The following CRB1 variants were observed in gnomAD, a reference collection of about 807,000 sequenced individuals.
The protein encoded by CRB1 is crumbs cell polarity complex component 1, also known as protein crumbs homolog 1.
CRB1 carries 83 observed loss-of-function variants against 120.0 expected under a neutral mutation model. The observed-to-expected ratio is 0.69, with a 90% CI of 0.58 to 0.83. CRB1 has a LOEUF of 0.83. CRB1 is among the 40% of genes least tolerant of loss of function. The pLI, the probability that CRB1 is intolerant of heterozygous loss-of-function variation, is 0.00. For missense variants in CRB1, 1,699 were observed against 1,687.6 expected, an observed-to-expected ratio of 1.01 and a Z score of -0.12; for synonymous variants, 625 against 612.5, an observed-to-expected ratio of 1.02 and a Z score of -0.30.
chr1:197,234,184 G>T, the CRB1 span, among the ~76,000 whole-genome samples: 1 of 152,170 alleles, frequency 6.6e-6, no homozygotes, highest in Non-Finnish European at 1.5e-5. Flanking sequence ...ATCTTCTCTG[G>T]TTCCTGGTTC....
intron 5 of CRB1, among the ~76,000 whole-genome samples, chr1:197,392,064 CG>C (rs1662534412): frequency 6.6e-6 from 1 of 151,876 alleles, no homozygotes; most frequent in African/African-American, 2.4e-5. Context: ...TACAGCATCT[CG>C]TGGTGTCTAA....
At chr1:197,453,865 ATAT>A (rs949241191) in intron 11 of CRB1, among the ~76,000 whole-genome samples, 1 of 138,322 alleles carries the variant, frequency 7.2e-6, no homozygotes, top group Non-Finnish European at 1.6e-5. Context: ...ATATATATTA[ATAT>A]TATTAATAAT....
At chr1:197,456,220 GA>G (rs1381770640) in intron 11 of CRB1, among the ~76,000 whole-genome samples, 2 of 151,944 alleles carry the variant, frequency 1.3e-5, no homozygotes, top group Non-Finnish European at 2.9e-5. Context: ...TTGATACCTA[GA>G]ACTCAGGAAA....
rs1227467460 is a variant in CRB1, at chr1:197,434,814, A to T, written c.2951A>T (p.Asp984Val). Residue 984 changes from aspartate to valine, a missense_variant, in exon 9 of 12, where the codon GAT becomes GTT. Transcript: ENST00000367400. The stretch of plus-strand genomic sequence containing the variant: ...ATCACATTTGGTTTCAGAACAAGGG[A>T]TGCAAATGTAATAATATTGCATGCA... The part of the protein sequence containing the change: ...TNITFGFRTR[D>V]ANVIILHAEK... 4 of 1,613,708 alleles carry T rather than the reference A, an allele frequency of 2.5e-6. No homozygotes were observed. The highest frequency in any genetic ancestry group is 3.4e-6 in the Non-Finnish European group (4 of 1,179,774).
chr1:197,211,967 GA>G, the CRB1 span, among the ~76,000 whole-genome samples: 4 of 151,692 alleles, frequency 2.6e-5, no homozygotes, highest in Middle Eastern at 3.2e-3. Context: ...AATATAAAAT[GA>G]AAAAAATATT....
At chr1:197,343,007 C>T (rs1214081007) in intron 2 of CRB1, among the ~76,000 whole-genome samples, 1 of 152,156 alleles carries the variant, frequency 6.6e-6, no homozygotes, top group African/African-American at 2.4e-5. Context: ...GAAACAAGTG[C>T]TATTGCAAAA....
At chr1:197,309,709 G>T (rs897375744) in intron 1 of CRB1, among the ~76,000 whole-genome samples, 1 of 151,718 alleles carries the variant, frequency 6.6e-6, no homozygotes, top group East Asian at 1.9e-4. Flanking sequence ...AGCCAAGATC[G>T]TGTCACTGCA....
chr1:197,298,950 T>C (rs1436545412), intron 1 of CRB1, among the ~76,000 whole-genome samples: 2 of 152,078 alleles, frequency 1.3e-5, no homozygotes, highest in Non-Finnish European at 2.9e-5. Context: ...TACCTCAATG[T>C]AGGAATACAT....
At chr1:197,463,626 G>T (rs1359670038) in intron 11 of CRB1, among the ~76,000 whole-genome samples, 2 of 152,134 alleles carry the variant, frequency 1.3e-5, no homozygotes, top group Non-Finnish European at 2.9e-5. Flanking sequence ...CTGCTTACTA[G>T]CTGTGTGACT....
At chr1:197,438,266 C>T (rs1412768507) in intron 9 of CRB1, among the ~76,000 whole-genome samples, 2 of 152,056 alleles carry the variant, frequency 1.3e-5, no homozygotes, top group Non-Finnish European at 2.9e-5. Flanking sequence ...TTTTCCAACC[C>T]AAAATTTATT....
chr1:197,369,062 G>T (rs970507763), intron 5 of CRB1, among the ~76,000 whole-genome samples: 14 of 152,104 alleles, frequency 9.2e-5, no homozygotes, highest in African/African-American at 3.4e-4. Flanking sequence ...ATTGGGAGTT[G>T]TCCTCACAGT....
the CRB1 span, among the ~76,000 whole-genome samples, chr1:197,255,977 A>ATATATATATATATATC: frequency 1.6e-5 from 2 of 128,174 alleles, no homozygotes; most frequent in Non-Finnish European, 3.2e-5. Context: ...ATATATATAT[A>ATATATATATATATATC]TATATATATA....
intron 11 of CRB1, among the ~76,000 whole-genome samples, chr1:197,458,643 C>A (rs1666390470): frequency 6.6e-6 from 1 of 152,108 alleles, no homozygotes; most frequent in Admixed American, 6.6e-5. Context: ...ATATTCTCTA[C>A]AGCTGAAAGA....
In CRB1 at chr1:197,421,315, T is replaced by A. The variant is rs1245369031; in HGVS notation, c.1487T>A (p.Val496Asp). Reference protein sequence around the residue: ...LSFEGDGFLWVKSGSVTTKGS... With the variant: ...LSFEGDGFLWDKSGSVTTKGS... ...TTTGAGGGCGATGGCTTCCTGTGGG[T>A]CAAAAGTGGCTCAGTGACAACCAAG... Residue 496 changes from valine to aspartate, a missense_variant, in exon 6 of 12, where the codon GTC becomes GAC. Physicochemically the swap from Val to Asp is radical, Grantham distance 152. Coordinates refer to ENST00000367400, the MANE Select transcript of CRB1 (RefSeq NM_201253.3). The A allele has an allele frequency of 6.2e-7, 1 of 1,614,154 alleles. No individual in the cohort carries two copies.
intron 2 of CRB1, among the ~76,000 whole-genome samples, chr1:197,334,233 G>T (rs1659020760): frequency 1.3e-5 from 2 of 152,142 alleles, no homozygotes; most frequent in African/African-American, 2.4e-5. Context: ...TGACATCCTT[G>T]ACTGTTATTT....
chr1:197,337,792 C>T (rs1051376479), intron 2 of CRB1, among the ~76,000 whole-genome samples: 3 of 152,134 alleles, frequency 2.0e-5, no homozygotes, highest in Admixed American at 1.3e-4. Context: ...ATCTCTCTGC[C>T]ACACTTATAA....
rs559915136 is a variant in CRB1 at position 197,413,700 on chromosome 1, G to C, written c.1172-7300G>C. ...GACTTAAAAAGGGGAGGCACCATGT[G>C]TTAAGCAGGGATAGGATCTAAGAAT... On this transcript the variant is annotated intron_variant, in intron 5 of 11. Coordinates refer to ENST00000367400, the MANE Select transcript of CRB1 (RefSeq NM_201253.3). 3.3e-4 allele frequency: 73 copies of C among 221,090 alleles called. No individual in the cohort carries two copies. In the Middle Eastern group the frequency reaches 3.9e-3, roughly 12 times the overall value. 13.7% of individuals were successfully genotyped at this position (221,090 alleles called of 1,614,324 possible). A position where few individuals can be genotyped will look rare whatever the true frequency, so the allele number is the denominator to read the frequency against.
intron 8 of CRB1, among the ~76,000 whole-genome samples, chr1:197,430,244 T>C (rs1664809286): frequency 6.6e-6 from 1 of 152,206 alleles, no homozygotes; most frequent in Non-Finnish European, 1.5e-5. Flanking sequence ...CCACTAACTA[T>C]ACTGTTATTT....
intron 1 of CRB1, 65 bp from the exon 2 acceptor site, chr1:197,328,355 CAA>C (rs754837698): frequency 4.5e-6 from 6 of 1,344,634 alleles, no homozygotes; most frequent in Non-Finnish European, 5.2e-6. Context: ...ACAAAGGTCA[CAA>C]AGAAAGATTT....
Sources: gnomAD v4.1 joint callset for allele counts (sites outside exome capture counted in the v4.1 genomes callset) on GRCh38, gnomAD v4.1.1 for gene constraint, MANE v1.5 for transcripts, NCBI Gene and HGNC (gene_info 2026-07-23, HGNC 2026-07-21) for gene names.